The following ACSBG2 variants were observed in gnomAD, a reference collection of about 807,000 sequenced individuals.
ACSBG2 encodes long-chain-fatty-acid--CoA ligase ACSBG2.
A neutral mutation model predicts 74.7 loss-of-function variants in ACSBG2; 62 were observed. The ratio of observed to expected loss-of-function variants is 0.83; its 90% CI spans 0.68 to 1.03. The LOEUF (loss-of-function observed/expected upper bound fraction) is 1.03. ACSBG2 is among the 50% of genes least tolerant of loss of function. ACSBG2 has a pLI of 0.00. For synonymous variants in ACSBG2, 309 were observed against 294.1 expected (o/e 1.05, Z -0.52); for missense variants, 730 against 817.6 (o/e 0.89, Z 1.31).
chr19:6,154,229 C>CT (rs1166133008), intron 4 of ACSBG2, among the ~76,000 whole-genome samples: 1 of 151,048 alleles, frequency 6.6e-6, no homozygotes. Flanking sequence ...TCTATCTCTA[C>CT]TAAAAAAAAC....
chr19:6,190,482 C>A, intron 13 of ACSBG2, 102 bp from the exon 14 acceptor site: 1 of 1,001,806 alleles, frequency 1.0e-6, no homozygotes, highest in Non-Finnish European at 1.6e-6. Context: ...AGCCAGCCAC[C>A]CAGCCTAGCC....
chr19:6,162,170 G>T (rs2089642366), intron 6 of ACSBG2, among the ~76,000 whole-genome samples: 1 of 148,102 alleles, frequency 6.8e-6, no homozygotes, highest in Non-Finnish European at 1.5e-5. Flanking sequence ...GGAGGTTGAG[G>T]CAGGAGAATC....
intron 3 of ACSBG2, among the ~76,000 whole-genome samples, chr19:6,150,281 GA>G (rs1198176141): frequency 3.6e-5 from 4 of 112,116 alleles, no homozygotes; most frequent in African/African-American, 1.4e-4. Flanking sequence ...TCTAAAAAAA[GA>G]AAAAATGTAA....
At chr19:6,182,411 C>G (rs2090285505) in intron 8 of ACSBG2, among the ~76,000 whole-genome samples, 2 of 152,162 alleles carry the variant, frequency 1.3e-5, no homozygotes, top group Non-Finnish European at 1.5e-5. Flanking sequence ...CAAAGAACGT[C>G]TTGAACGTGT....
intron 2 of ACSBG2, among the ~76,000 whole-genome samples, chr19:6,144,419 C>T (rs1053718302): frequency 2.0e-5 from 3 of 152,118 alleles, no homozygotes; most frequent in Non-Finnish European, 2.9e-5. Flanking sequence ...ATGTGAGGAT[C>T]GAAGCAGAGT....
intron 8 of ACSBG2, among the ~76,000 whole-genome samples, chr19:6,179,580 C>A (rs953825746): frequency 2.0e-5 from 3 of 152,120 alleles, no homozygotes; most frequent in African/African-American, 7.2e-5. Context: ...AATGCCACAA[C>A]AAATGAACAG....
At chr19:6,154,557 G>C (rs977196229) in intron 4 of ACSBG2, among the ~76,000 whole-genome samples, 5 of 150,370 alleles carry the variant, frequency 3.3e-5, no homozygotes, top group Non-Finnish European at 7.4e-5. Context: ...TGTTGCCCAG[G>C]CTGCAGTGCA....
At chr19:6,167,175 C>G (rs1296993560) in intron 7 of ACSBG2, among the ~76,000 whole-genome samples, 10 of 152,180 alleles carry the variant, frequency 6.6e-5, no homozygotes, top group Non-Finnish European at 2.9e-5. Context: ...TTCCCTGCCC[C>G]CCCTCAGCCT....
intron 8 of ACSBG2, among the ~76,000 whole-genome samples, chr19:6,178,673 C>T (rs879437644): frequency 3.3e-5 from 5 of 152,178 alleles, no homozygotes; most frequent in Non-Finnish European, 5.9e-5. Context: ...CTGCACCCAG[C>T]TCCATTGCAT....
intron 5 of ACSBG2, among the ~76,000 whole-genome samples, chr19:6,160,089 G>A (rs2089554566): frequency 6.6e-6 from 1 of 152,116 alleles, no homozygotes; most frequent in Non-Finnish European, 1.5e-5. Flanking sequence ...GGCATGAACA[G>A]AGTATAAAAA....
chr19:6,177,282 T>A lies in ACSBG2; in HGVS notation c.792T>A (p.His264Gln). ...AGGACTTTAAACTGACAGACAAGCA[T>A]GAGACGGTGGTTAGCTACCTCCCAC... ...VTKDFKLTDKHETVVSYLPLS... is the reference protein window; with the variant it reads ...VTKDFKLTDKQETVVSYLPLS... The change falls in exon 8 of 15, where the codon CAT (histidine) becomes CAA (glutamine). Residue 264 changes from histidine to glutamine, a missense_variant. Coordinates refer to ENST00000588485, the MANE Select transcript of ACSBG2 (RefSeq NM_030924.5). 6.2e-7 allele frequency: 1 copy of A among 1,614,150 alleles called. No homozygotes were observed. The highest frequency in any genetic ancestry group is 8.5e-7 in the Non-Finnish European group (1 of 1,180,018).
At position 6,185,423 on chromosome 19, in the gene ACSBG2, T is replaced by C. The variant is rs202219198; in HGVS notation, c.1323-13T>C. On this transcript the variant is annotated splice_polypyrimidine_tract_variant and intron_variant, in intron 10 of 14. Coordinates refer to ENST00000588485, the MANE Select transcript of ACSBG2 (RefSeq NM_030924.5). ...CCCTATGAGCCTGTTTCTCTGCTTC[T>C]GTCCCCTGGCAGCTGTGGCAAGATC... 5.0e-5 allele frequency: 81 copies of C among 1,613,926 alleles called. No homozygotes were observed. The African/African-American group carries it at 1.0e-3, about 20-fold the overall frequency.
rs1203764566 is a variant in ACSBG2, at chr19:6,176,313, C to G, written c.739-916C>G. On this transcript the variant is annotated intron_variant, in intron 7 of 14. Transcript: ENST00000588485. ...TGCTTGAGCAAAGTATGTGAGCGCCCCAATCTTTATGGGTACCCAGATGTC... is the reference window on the plus strand; with the variant it reads ...TGCTTGAGCAAAGTATGTGAGCGCCGCAATCTTTATGGGTACCCAGATGTC... 4.3e-6 allele frequency: 6 copies of G among 1,402,834 alleles called. No individual in the cohort carries two copies. In the African/African-American group the frequency reaches 6.0e-5, roughly 14 times the overall value. The allele number at this position is 1,402,834 out of a possible 1,614,324, so 86.9% of individuals were successfully genotyped here. A position where few individuals can be genotyped will look rare whatever the true frequency, so the allele number is the denominator to read the frequency against.
At chr19:6,186,577 G>A (rs1435936514) in intron 11 of ACSBG2, among the ~76,000 whole-genome samples, 1 of 152,182 alleles carries the variant, frequency 6.6e-6, no homozygotes, top group Non-Finnish European at 1.5e-5. Context: ...AAGCAAAACT[G>A]TTGACTCAAC....
chr19:6,158,206 C>T (rs1329934568), intron 5 of ACSBG2, among the ~76,000 whole-genome samples: 1 of 151,946 alleles, frequency 6.6e-6, no homozygotes, highest in African/African-American at 2.4e-5. Flanking sequence ...CAGGTGCCTG[C>T]CACCATGTCC....
At chr19:6,136,731 T>C (rs996257906) in intron 1 of ACSBG2, among the ~76,000 whole-genome samples, 5 of 152,112 alleles carry the variant, frequency 3.3e-5, no homozygotes, top group African/African-American at 1.2e-4. Flanking sequence ...ATCTGTACGA[T>C]TTAATGAATA....
intron 7 of ACSBG2, among the ~76,000 whole-genome samples, chr19:6,167,404 G>C (rs2145155670): frequency 6.6e-6 from 1 of 152,296 alleles, no homozygotes; most frequent in East Asian, 1.9e-4. Flanking sequence ...GATTGCAAAA[G>C]TCAGCCTCCA....
At chr19:6,150,482 T>C (rs1333978415) in intron 3 of ACSBG2, among the ~76,000 whole-genome samples, 1 of 152,048 alleles carries the variant, frequency 6.6e-6, no homozygotes, top group Non-Finnish European at 1.5e-5. Flanking sequence ...CACGATGTGG[T>C]CCGCCCATAC....
In ACSBG2 at chr19:6,165,922, C is replaced by G; in HGVS notation, c.645C>G (p.Val215=). Residue 215 remains valine (V), a synonymous_variant, in exon 7 of 15, where the codon GTC becomes GTG. Transcript: ENST00000588485. The part of the protein sequence containing the change: ...RSIPDTQLEQ[V]IESQKANQCA... Reference sequence around the variant, plus strand: ...TCCCTGACACCCAACTGGAGCAGGTCATCGAGAGCCAGAAGGCGAATCAAT... The same window carrying G: ...TCCCTGACACCCAACTGGAGCAGGTGATCGAGAGCCAGAAGGCGAATCAAT... The G allele has an allele frequency of 4.3e-6, 7 of 1,614,162 alleles. No individual in the cohort carries two copies. Among genetic ancestry groups the G allele is most frequent in the Non-Finnish European group, 5.9e-6 (7 of 1,180,012 alleles).
Sources: allele counts gnomAD v4.1 joint callset (sites outside exome capture counted in the v4.1 genomes callset), GRCh38; gene constraint gnomAD v4.1.1; transcripts MANE v1.5; gene names NCBI Gene and HGNC (gene_info 2026-07-23, HGNC 2026-07-21).